GDA: variants seen among roughly 807,000 people sequenced by gnomAD.
The protein encoded by GDA is cytoplasmic PSD-95 interactor.
GDA carries 18 observed loss-of-function variants against 59.6 expected under a neutral mutation model. The ratio of observed to expected loss-of-function variants is 0.30; its 90% CI spans 0.21 to 0.45. GDA has a LOEUF of 0.45. Among genes scored for constraint, GDA ranks in the 20% least tolerant of loss-of-function variants. The pLI, the probability that GDA is intolerant of heterozygous loss-of-function variation, is 1.00. For synonymous variants in GDA, 201 were observed against 201.1 expected, an observed-to-expected ratio of 1.00 and a Z score of 0.00; for missense variants, 427 against 552.3, an observed-to-expected ratio of 0.77 and a Z score of 2.27.
At chr9:72,234,658 T>A (rs143827901) in intron 10 of GDA, among the ~76,000 whole-genome samples, 1 of 152,154 alleles carries the variant, frequency 6.6e-6, no homozygotes, top group African/African-American at 2.4e-5. Flanking sequence ...GAAGGGTAAA[T>A]CTTTTCTGAG....
intron 1 of GDA, among the ~76,000 whole-genome samples, chr9:72,158,362 G>A (rs1040542303): frequency 2.6e-5 from 4 of 152,088 alleles, no homozygotes; most frequent in African/African-American, 9.7e-5. Flanking sequence ...GGGAGGCCGA[G>A]GTGGGCTCAT....
At chr9:72,176,625 A>G (rs1411574260) in intron 1 of GDA, among the ~76,000 whole-genome samples, 1 of 152,164 alleles carries the variant, frequency 6.6e-6, no homozygotes, top group Non-Finnish European at 1.5e-5. Context: ...CTACACTGTG[A>G]GTCAGTGAAT....
intron 1 of GDA, among the ~76,000 whole-genome samples, chr9:72,117,940 G>C (rs1160748306): frequency 6.6e-6 from 1 of 152,174 alleles, no homozygotes; most frequent in Non-Finnish European, 1.5e-5. Context: ...TTGGTTGAAT[G>C]AATAAATAGA....
chr9:72,221,869 T>A (rs10781087), intron 6 of GDA, among the ~76,000 whole-genome samples: 46,687 of 152,036 alleles, frequency 0.31, 7,474 homozygotes, highest in East Asian at 0.53. Context: ...TTCATCCATG[T>A]CCCTGCAAAT....
At chr9:72,209,978 C>T (rs1326759275) in intron 3 of GDA, among the ~76,000 whole-genome samples, 1 of 152,078 alleles carries the variant, frequency 6.6e-6, no homozygotes, top group Non-Finnish European at 1.5e-5. Context: ...AAATACTATC[C>T]AGGTTCTATA....
chr9:72,172,237 T>C (rs968581281), intron 1 of GDA, among the ~76,000 whole-genome samples: 8 of 150,586 alleles, frequency 5.3e-5, no homozygotes, highest in African/African-American at 1.9e-4. Context: ...AATATATATA[T>C]ATATATAATA....
rs771202364 is a variant in GDA, at chr9:72,248,269, C to T, written c.1295-3C>T. The T allele has an allele frequency of 6.2e-7, 1 of 1,600,264 alleles. No homozygotes were observed. Among genetic ancestry groups the T allele is most frequent in the Non-Finnish European group, 8.6e-7 (1 of 1,167,610 alleles). On this transcript the variant is annotated splice_region_variant and splice_polypyrimidine_tract_variant and intron_variant, in intron 13 of 13. Coordinates refer to ENST00000358399, the MANE Select transcript of GDA (RefSeq NM_004293.5). ...ATACATGATTCCTTGATTTTTCTTT[C>T]AGGAGATGATCGAAATATTGAAGAG... is the stretch of plus-strand genomic sequence containing the variant.
intron 1 of GDA, among the ~76,000 whole-genome samples, chr9:72,116,544 A>G (rs1196091624): frequency 2.6e-5 from 4 of 151,698 alleles, no homozygotes; most frequent in Non-Finnish European, 4.4e-5. Context: ...CACCATGCCC[A>G]GCTAATTTTT....
At chr9:72,209,647 A>G (rs980434809) in intron 3 of GDA, among the ~76,000 whole-genome samples, 1 of 151,920 alleles carries the variant, frequency 6.6e-6, no homozygotes, top group African/African-American at 2.4e-5. Context: ...TCCAATGCCT[A>G]TCAAACCCTG....
chr9:72,151,724 C>T (rs778722873), intron 1 of GDA, among the ~76,000 whole-genome samples: 15 of 151,804 alleles, frequency 9.9e-5, no homozygotes, highest in Middle Eastern at 3.2e-3. Flanking sequence ...TCTCCTGCCT[C>T]AGCCTCCCGA....
intron 1 of GDA, among the ~76,000 whole-genome samples, chr9:72,190,871 GT>G (rs1034834451): frequency 1.3e-5 from 2 of 151,924 alleles, no homozygotes; most frequent in Admixed American, 1.3e-4. Context: ...AGTGTAAAAA[GT>G]TTTTTTCATC....
At chr9:72,247,537 T>A in intron 13 of GDA, 104 bp downstream of exon 13, 1 of 672,026 alleles carries the variant, frequency 1.5e-6, no homozygotes, top group Non-Finnish European at 2.6e-6. Flanking sequence ...TTAAACTCTG[T>A]GGATGATAAT....
At chr9:72,205,956 C>T (rs1441070083) in intron 3 of GDA, among the ~76,000 whole-genome samples, 1 of 152,188 alleles carries the variant, frequency 6.6e-6, no homozygotes, top group Non-Finnish European at 1.5e-5. Flanking sequence ...TAAATAACCC[C>T]AGCTTTCCGT....
At chr9:72,202,477 C>A in intron 2 of GDA, 94 bp from the exon 3 acceptor site, 1 of 790,184 alleles carries the variant, frequency 1.3e-6, no homozygotes, top group Non-Finnish European at 2.1e-6. Context: ...TGTGGGTGAA[C>A]AGTGAAATCA....
chr9:72,239,492 A>G (rs1839374051), intron 10 of GDA, among the ~76,000 whole-genome samples: 1 of 152,038 alleles, frequency 6.6e-6, no homozygotes, highest in Non-Finnish European at 1.5e-5. Context: ...TACCATCCCA[A>G]CTGCATTGCT....
At chr9:72,177,955 G>T (rs577165331) in intron 1 of GDA, among the ~76,000 whole-genome samples, 2 of 152,228 alleles carry the variant, frequency 1.3e-5, no homozygotes, top group East Asian at 1.9e-4. Flanking sequence ...TTCCCACCTC[G>T]CTACTCTGTT....
chr9:72,230,653 T>C (rs966540801), intron 9 of GDA, among the ~76,000 whole-genome samples: 26 of 152,078 alleles, frequency 1.7e-4, no homozygotes, highest in African/African-American at 5.8e-4. Flanking sequence ...GCACCCCTTT[T>C]TCTAGTTGTA....
intron 9 of GDA, chr9:72,229,246 G>T (rs923079507): frequency 1.9e-5 from 3 of 155,734 alleles, no homozygotes; most frequent in Non-Finnish European, 4.2e-5. Context: ...AGCTACTCGT[G>T]AGGCTGAGGC....
chr9:72,116,183 G>A (rs943967606), intron 1 of GDA, among the ~76,000 whole-genome samples: 2 of 151,404 alleles, frequency 1.3e-5, no homozygotes, highest in African/African-American at 4.8e-5. Flanking sequence ...GCGGTGAGCC[G>A]AGATCATGCC....
Sources: allele counts gnomAD v4.1 joint callset (sites outside exome capture counted in the v4.1 genomes callset), GRCh38; gene constraint gnomAD v4.1.1; transcripts MANE v1.5; gene names NCBI Gene and HGNC (gene_info 2026-07-23, HGNC 2026-07-21).